The following RNF13 variants were observed in gnomAD, a reference collection of about 807,000 sequenced individuals.
RNF13 encodes E3 ubiquitin-protein ligase RNF13.
Under a neutral mutation model 37.7 loss-of-function variants are expected in RNF13, and 19 were observed. The ratio of observed to expected loss-of-function variants is 0.50; its 90% confidence interval spans 0.35 to 0.74. The LOEUF (loss-of-function observed/expected upper bound fraction) is 0.74. Among genes scored for constraint, RNF13 ranks in the 30% least tolerant of loss-of-function variants. RNF13 has a pLI of 0.01. For missense variants in RNF13, 375 were observed against 453.0 expected (o/e 0.83, Z 1.56); for synonymous variants, 144 against 157.8 (o/e 0.91, Z 0.65).
At chr3:149,822,641 A>G (rs1252114293) in intron 1 of RNF13, 1 of 152,148 alleles carries the variant, frequency 6.6e-6, no homozygotes, top group Non-Finnish European at 1.5e-5. Flanking sequence ...TTGAACTATT[A>G]TCTTACTATA....
At chr3:149,931,501 A>T (rs1057431366) in intron 8 of RNF13, among the ~76,000 whole-genome samples, 4 of 152,028 alleles carry the variant, frequency 2.6e-5, no homozygotes, top group African/African-American at 9.7e-5. Flanking sequence ...TTCTTTTCTA[A>T]CATATATATA....
intron 8 of RNF13, chr3:149,939,234 CG>C (rs1720008573): frequency 2.0e-6 from 1 of 502,956 alleles, no homozygotes; most frequent in East Asian, 5.1e-5. Flanking sequence ...TGGAGTATCT[CG>C]TATGGATTTC....
intron 8 of RNF13, among the ~76,000 whole-genome samples, chr3:149,952,579 C>T (rs1297413167): frequency 2.0e-5 from 3 of 151,914 alleles, no homozygotes; most frequent in Non-Finnish European, 2.9e-5. Context: ...TAATAATGAA[C>T]CTTCTGTACT....
rs772549838 is a variant in RNF13 at position 149,872,125 on chromosome 3, A to G, written c.292A>G (p.Arg98Gly). Reference sequence around the variant, plus strand: ...ATCTGGCACTTTCATCGTGTTAATTAGAAGACTTGATTGTAATTTTGATAT... The same window carrying G: ...ATCTGGCACTTTCATCGTGTTAATTGGAAGACTTGATTGTAATTTTGATAT... ...NSSGTFIVLI[R>G]RLDCNFDIKV... is the part of the protein sequence containing the mutation. The change falls in exon 4 of 10, where the codon AGA becomes GGA. Residue 98 changes from arginine (R) to glycine (G), a missense_variant. Coordinates refer to ENST00000392894, the MANE Select transcript of RNF13 (RefSeq NM_183381.3). The G allele has an allele frequency of 5.7e-6, 9 of 1,589,536 alleles. No homozygotes were observed. In the East Asian group the frequency reaches 2.0e-4, roughly 36 times the overall value.
intron 3 of RNF13, among the ~76,000 whole-genome samples, chr3:149,868,044 A>T (rs940890032): frequency 1.3e-5 from 2 of 151,886 alleles, no homozygotes; most frequent in African/African-American, 4.8e-5. Flanking sequence ...ACAAAGGAAA[A>T]TGAAAAAAAA....
chr3:149,849,119 A>C (rs879700864), intron 2 of RNF13, among the ~76,000 whole-genome samples: 12 of 152,184 alleles, frequency 7.9e-5, no homozygotes, highest in Admixed American at 2.0e-4. Flanking sequence ...TAATACTATT[A>C]ATTATGTAGG....
intron 8 of RNF13, among the ~76,000 whole-genome samples, chr3:149,933,750 A>AT (rs1445541688): frequency 6.6e-6 from 1 of 151,632 alleles, no homozygotes; most frequent in Non-Finnish European, 1.5e-5. Flanking sequence ...CGCCTGGCTA[A>AT]TTTTTGTATT....
At chr3:149,821,194 G>T (rs560753057) in intron 1 of RNF13, among the ~76,000 whole-genome samples, 1 of 152,174 alleles carries the variant, frequency 6.6e-6, no homozygotes, top group African/African-American at 2.4e-5. Context: ...AGAATGGAAT[G>T]CTGGGTCTTA....
chr3:149,835,667 T>TTTGTGTG (rs1553751537), intron 1 of RNF13, among the ~76,000 whole-genome samples: 30 of 88,058 alleles, frequency 3.4e-4, no homozygotes, highest in African/African-American at 1.1e-3. Flanking sequence ...GTGTGTGTGT[T>TTTGTGTG]TGTGTGTGTG....
intron 8 of RNF13, among the ~76,000 whole-genome samples, chr3:149,940,107 C>T (rs1333611685): frequency 6.6e-6 from 1 of 152,016 alleles, no homozygotes; most frequent in African/African-American, 2.4e-5. Context: ...AATCTTTTTT[C>T]ATCATTTGTG....
intron 1 of RNF13, among the ~76,000 whole-genome samples, chr3:149,823,765 ATGATACAAGTGATTACTT>A (rs1720223111): frequency 6.6e-6 from 1 of 152,230 alleles, no homozygotes; most frequent in African/African-American, 2.4e-5. Flanking sequence ...ATAATACAAT[ATGATACAAGTGATTACTT>A]TGAACTTTGG....
intron 3 of RNF13, among the ~76,000 whole-genome samples, chr3:149,860,285 A>T (rs1017596098): frequency 7.1e-6 from 1 of 141,674 alleles, no homozygotes; most frequent in East Asian, 2.0e-4. Flanking sequence ...ATATATATAT[A>T]TATATATATA....
chr3:149,917,736 C>G (rs535100672), intron 7 of RNF13, among the ~76,000 whole-genome samples: 12 of 152,182 alleles, frequency 7.9e-5, no homozygotes, highest in African/African-American at 2.4e-4. Flanking sequence ...TTTCAAAAAC[C>G]TCCTTTGTGG....
chr3:149,930,907 A>C (rs75242437), intron 8 of RNF13, among the ~76,000 whole-genome samples: 4,554 of 152,176 alleles, frequency 0.03, 82 homozygotes, highest in South Asian at 0.038. Context: ...AGTGATGACC[A>C]CTTTTCTAAA....
intron 3 of RNF13, among the ~76,000 whole-genome samples, chr3:149,864,159 G>C (rs187028743): frequency 9.9e-5 from 15 of 151,942 alleles, no homozygotes; most frequent in Non-Finnish European, 1.6e-4. Context: ...GAGGATGTTT[G>C]GGTCAGGGAA....
intron 4 of RNF13, among the ~76,000 whole-genome samples, chr3:149,888,984 G>A (rs2079352249): frequency 6.6e-6 from 1 of 152,170 alleles, no homozygotes; most frequent in South Asian, 2.1e-4. Flanking sequence ...TGTCACCCAG[G>A]CCGAAGTCCA....
chr3:149,891,448 T>C (rs140042033), intron 4 of RNF13, among the ~76,000 whole-genome samples: 17 of 152,362 alleles, frequency 1.1e-4, no homozygotes, highest in African/African-American at 4.1e-4. Flanking sequence ...ACCTGTCTTA[T>C]TGAAGACTTT....
At chr3:149,885,401 G>T (rs962068962) in intron 4 of RNF13, among the ~76,000 whole-genome samples, 5 of 151,676 alleles carry the variant, frequency 3.3e-5, no homozygotes, top group Non-Finnish European at 7.4e-5. Flanking sequence ...CTTGTTGCCT[G>T]TTTTTTTTGG....
chr3:149,935,990 G>A (rs1322585659), intron 8 of RNF13, among the ~76,000 whole-genome samples: 2 of 150,768 alleles, frequency 1.3e-5, no homozygotes, highest in South Asian at 2.1e-4. Flanking sequence ...ATGGTTGAAG[G>A]ATAGCTTTGC....
Sources: allele counts gnomAD v4.1 joint callset (sites outside exome capture counted in the v4.1 genomes callset), GRCh38; gene constraint gnomAD v4.1.1; transcripts MANE v1.5; gene names NCBI Gene and HGNC (gene_info 2026-07-23, HGNC 2026-07-21).